Variants in EIF2A observed in about 807,000 individuals in gnomAD.
EIF2A encodes 65 kDa eukaryotic translation initiation factor 2A.
Under a neutral mutation model 75.2 loss-of-function variants are expected in EIF2A, and 62 were observed. The ratio of observed to expected loss-of-function variants is 0.82; its 90% confidence interval spans 0.67 to 1.02. EIF2A has a LOEUF of 1.02. Among genes scored for constraint, EIF2A ranks in the 50% least tolerant of loss-of-function variants. The pLI is 0.00. For missense variants in EIF2A, 611 were observed against 677.7 expected, an observed-to-expected ratio of 0.90 and a Z score of 1.09; for synonymous variants, 207 against 239.0, an observed-to-expected ratio of 0.87 and a Z score of 1.23.
At chr3:150,577,537 G>A (rs1257909805) in intron 11 of EIF2A, among the ~76,000 whole-genome samples, 1 of 151,050 alleles carries the variant, frequency 6.6e-6, no homozygotes, top group Non-Finnish European at 1.5e-5. Context: ...ATAGGTTATC[G>A]CTATGTTTTT....
intron 10 of EIF2A, among the ~76,000 whole-genome samples, chr3:150,575,158 A>G (rs1025146058): frequency 1.5e-4 from 23 of 151,822 alleles, no homozygotes; most frequent in African/African-American, 5.6e-4. Context: ...ACTCCTTTCT[A>G]TTTCATTTAT....
At chr3:150,580,487 C>T (rs56208302) in intron 11 of EIF2A, among the ~76,000 whole-genome samples, 22,523 of 152,060 alleles carry the variant, frequency 0.15, 1,677 homozygotes, top group Non-Finnish European at 0.16. Context: ...TGGTACAATG[C>T]TTGTGTGGTA....
chr3:150,547,162 G>T (rs1723077471), intron 1 of EIF2A: 2 of 365,300 alleles, frequency 5.5e-6, no homozygotes, highest in Admixed American at 3.9e-5. Flanking sequence ...ACGGGCCCTT[G>T]TGAAGTCATT....
Position 150,572,292 on chromosome 3 carries a change from G to T in EIF2A, c.1146G>T (p.Arg382=), listed in dbSNP as rs752954000. 5.0e-6 allele frequency: 8 copies of T among 1,613,920 alleles called. No individual in the cohort carries two copies. The highest frequency in any genetic ancestry group is 4.4e-5 in the South Asian group (4 of 91,082). Residue 382 remains arginine, a synonymous_variant, in exon 10 of 14, where the codon CGG becomes CGT. Transcript: ENST00000460851. Reference sequence around the variant, plus strand: ...CAGCTACATGTGCTCCCAGGTTACGGGTTAATAATGGATACAAAATTTGGC... The same window carrying T: ...CAGCTACATGTGCTCCCAGGTTACGTGTTAATAATGGATACAAAATTTGGC... ...ILTATCAPRL[R]VNNGYKIWHY...
intron 10 of EIF2A, among the ~76,000 whole-genome samples, chr3:150,572,759 G>C (rs1387914727): frequency 6.6e-6 from 1 of 151,872 alleles, no homozygotes; most frequent in Non-Finnish European, 1.5e-5. Context: ...GGGAAGCTGA[G>C]GCAGGAGACT....
intron 2 of EIF2A, among the ~76,000 whole-genome samples, chr3:150,555,039 T>C (rs1366751641): frequency 6.6e-6 from 1 of 152,198 alleles, no homozygotes; most frequent in Non-Finnish European, 1.5e-5. Context: ...ACAATACTCC[T>C]GCCTCAGTAT....
intron 1 of EIF2A, among the ~76,000 whole-genome samples, chr3:150,549,525 T>C (rs1723214986): frequency 6.6e-6 from 1 of 152,158 alleles, no homozygotes; most frequent in African/African-American, 2.4e-5. Context: ...GCCAGAAATC[T>C]GTTTTTCTTC....
intron 1 of EIF2A, chr3:150,547,270 C>T (rs942861016): frequency 1.0e-5 from 2 of 190,666 alleles, no homozygotes; most frequent in African/African-American, 4.6e-5. Flanking sequence ...AGATTCTGGC[C>T]TTCCTGCCTT....
intron 12 of EIF2A, among the ~76,000 whole-genome samples, chr3:150,582,007 CTT>C (rs917755613): frequency 1.4e-5 from 2 of 147,380 alleles, no homozygotes; most frequent in Admixed American, 1.4e-4. Flanking sequence ...ATACTGAACA[CTT>C]TTTTTTTTTG....
chr3:150,548,796 T>C (rs1380122470), intron 1 of EIF2A, among the ~76,000 whole-genome samples: 1 of 152,244 alleles, frequency 6.6e-6, no homozygotes, highest in South Asian at 2.1e-4. Context: ...GTCTGTTCAG[T>C]CTACTCTTCA....
At chr3:150,551,330 C>T (rs1723304663) in intron 1 of EIF2A, among the ~76,000 whole-genome samples, 1 of 152,148 alleles carries the variant, frequency 6.6e-6, no homozygotes, top group South Asian at 2.1e-4. Flanking sequence ...ATGTTCAACA[C>T]AGGGCCTAGG....
At chr3:150,546,872 G>T in intron 1 of EIF2A, 42 bp downstream of exon 1, 1 of 1,608,660 alleles carries the variant, frequency 6.2e-7, no homozygotes. Flanking sequence ...CTTCAGACTA[G>T]TTTCTTATTT....
At chr3:150,557,345 T>G (rs948865794) in intron 2 of EIF2A, among the ~76,000 whole-genome samples, 4 of 152,084 alleles carry the variant, frequency 2.6e-5, no homozygotes, top group African/African-American at 9.7e-5. Flanking sequence ...GTTGCATAAG[T>G]GTAGGGTAGT....
At chr3:150,577,760 T>C (rs756771283) in intron 11 of EIF2A, among the ~76,000 whole-genome samples, 3 of 152,116 alleles carry the variant, frequency 2.0e-5, no homozygotes, top group Non-Finnish European at 4.4e-5. Context: ...GCTATATCAG[T>C]ATAGTCTTGC....
intron 1 of EIF2A, among the ~76,000 whole-genome samples, chr3:150,548,848 G>A (rs908234749): frequency 3.9e-5 from 6 of 152,136 alleles, no homozygotes; most frequent in South Asian, 2.1e-4. Flanking sequence ...TAAGTGGTCC[G>A]ATTCACACTG....
At chr3:150,558,264 T>C in intron 2 of EIF2A, 124 bp from the exon 3 acceptor site, 2 of 824,844 alleles carry the variant, frequency 2.4e-6, no homozygotes, top group Non-Finnish European at 3.5e-6. Flanking sequence ...ATTTTGGAAT[T>C]TTCTGAAATT....
intron 3 of EIF2A, among the ~76,000 whole-genome samples, chr3:150,559,119 A>G (rs1256162272): frequency 2.0e-5 from 3 of 152,218 alleles, no homozygotes; most frequent in East Asian, 3.8e-4. Flanking sequence ...TCTAAACCAC[A>G]TATAATACTG....
At position 150,558,398 on chromosome 3, in the gene EIF2A, A is replaced by G; in HGVS notation, c.109A>G (p.Lys37Glu). Reference protein sequence around the residue: ...ESTVFPRESGKNCKVCIFSKD... With the variant: ...ESTVFPRESGENCKVCIFSKD... ...TTTTGTCATTTTCAGGGAATCTGGG[A>G]AGAATTGCAAAGTCTGTATCTTTAG... is the stretch of plus-strand genomic sequence containing the variant. The change falls in exon 3 of 14, where the codon AAG (lysine) becomes GAG (glutamate). Residue 37 changes from lysine (K) to glutamate (E), a missense_variant. Lys to Glu is a moderately conservative substitution (Grantham distance 56). Coordinates refer to ENST00000460851, the MANE Select transcript of EIF2A (RefSeq NM_032025.5). The G allele has an allele frequency of 6.6e-7, 1 of 1,521,682 alleles. No homozygotes were observed. The highest frequency in any genetic ancestry group is 2.5e-5 in the Admixed American group (1 of 39,604). The allele number at this position is 1,521,682 out of a possible 1,614,324, so 94.3% of individuals were successfully genotyped here. A position where few individuals can be genotyped will look rare whatever the true frequency, so the allele number is the denominator to read the frequency against.
chr3:150,563,543 CA>C lies in EIF2A; in HGVS notation c.323del (p.Asn108ThrfsTer7). On this transcript the variant is annotated frameshift_variant, in exon 5 of 14. Transcript: ENST00000460851. LOFTEE classifies it high-confidence loss of function. Reference sequence around the variant, plus strand: ...CTAAAGATGGCACAGCTGGGATACCCAACCTACAACTTTATGATGTGAAAAC... The same window carrying C: ...CTAAAGATGGCACAGCTGGGATACCCACCTACAACTTTATGATGTGAAAAC... ...TSKDGTAGIP[N>X]LQLYDVKTGT... The C allele has an allele frequency of 6.5e-7, 1 of 1,545,532 alleles. No homozygotes were observed. The highest frequency in any genetic ancestry group is 2.4e-5 in the East Asian group (1 of 40,994).
Sources: allele counts gnomAD v4.1 joint callset (sites outside exome capture counted in the v4.1 genomes callset), GRCh38; gene constraint gnomAD v4.1.1; transcripts MANE v1.5; gene names NCBI Gene and HGNC (gene_info 2026-07-23, HGNC 2026-07-21).